The following KYNU variants were observed in gnomAD, a reference collection of about 807,000 sequenced individuals.
KYNU encodes L-kynurenine hydrolase.
In KYNU, 54 loss-of-function variants were observed where a neutral mutation model predicts 59.2. That is an observed-to-expected ratio of 0.91 (90% confidence interval 0.73 to 1.14). KYNU has a LOEUF of 1.14. Ranked by LOEUF, KYNU falls within the 50% of genes most tolerant of loss-of-function variation. The probability of loss-of-function intolerance (pLI) is 0.00; values close to 1 mark genes in which losing one functional copy is unlikely to be tolerated. For synonymous variants in KYNU, 177 were observed against 192.0 expected (o/e 0.92, Z 0.65); for missense variants, 567 against 554.4 (o/e 1.02, Z -0.23).
intron 2 of KYNU, among the ~76,000 whole-genome samples, chr2:142,913,641 T>C (rs921328254): frequency 3.1e-4 from 47 of 152,230 alleles, no homozygotes; most frequent in Admixed American, 2.9e-3. Context: ...GTATGTTCTG[T>C]TCACAGACGA....
intron 11 of KYNU, among the ~76,000 whole-genome samples, chr2:143,031,673 C>T (rs554096015): frequency 6.6e-6 from 1 of 152,128 alleles, no homozygotes; most frequent in East Asian, 1.9e-4. Flanking sequence ...TGCAGTGAGC[C>T]ATGATTGAGC....
At chr2:142,930,982 A>T (rs1196346282) in intron 4 of KYNU, among the ~76,000 whole-genome samples, 2 of 152,104 alleles carry the variant, frequency 1.3e-5, no homozygotes, top group Admixed American at 6.5e-5. Flanking sequence ...GACAAGACAA[A>T]GGTTTTATAG....
At position 143,049,590 on chromosome 2, in the gene KYNU, C is replaced by A. The variant is rs1025451867; in HGVS notation, c.*7418C>A. The A allele has an allele frequency of 6.6e-6, 1 of 152,236 alleles. No individual in the cohort carries two copies. Among genetic ancestry groups the A allele is most frequent in the South Asian group, 2.1e-4 (1 of 4,832 alleles). The allele number at this position is 152,236 out of a possible 1,614,324, so 9.4% of individuals were successfully genotyped here. ...TCCTGAGACCATCCCTTGCCCAGCTCTTTTGGTGATCCCCTTCACTTCCTC... is the reference window on the plus strand; with the variant it reads ...TCCTGAGACCATCCCTTGCCCAGCTATTTTGGTGATCCCCTTCACTTCCTC... On this transcript the variant is annotated 3_prime_UTR_variant, in exon 14 of 14. Transcript: ENST00000264170.
chr2:142,915,998 A>C lies in KYNU; in HGVS notation c.170-2611A>C, dbSNP rs77563781. On this transcript the variant is annotated intron_variant, in intron 2 of 13. Coordinates refer to ENST00000264170, the MANE Select transcript of KYNU (RefSeq NM_003937.3). ...ATACTGGGAGAAGGCCAAACACACA[A>C]GAGATGGCCATCTGTAAGCCAAGCA... Among the ~76,000 whole-genome samples the C allele has an allele frequency of 8.4e-3, 1,280 of 152,232 alleles. 16 individuals carry two copies. The highest frequency in any genetic ancestry group is 0.028 in the African/African-American group (1,159 of 41,528).
At chr2:142,911,159 G>A (rs182701266) in intron 2 of KYNU, among the ~76,000 whole-genome samples, 208 of 152,272 alleles carry the variant, frequency 1.4e-3, no homozygotes, top group African/African-American at 4.7e-3. Context: ...TGAGCAATAT[G>A]GTGGTTTTCA....
At chr2:142,926,489 A>C (rs1293186700) in intron 3 of KYNU, among the ~76,000 whole-genome samples, 3 of 152,236 alleles carry the variant, frequency 2.0e-5, no homozygotes, top group Non-Finnish European at 4.4e-5. Flanking sequence ...TAAGGAGGAC[A>C]CTGGGAGTTT....
intron 3 of KYNU, among the ~76,000 whole-genome samples, chr2:142,927,073 T>G (rs1013706084): frequency 6.6e-6 from 1 of 152,246 alleles, no homozygotes; most frequent in African/African-American, 2.4e-5. Context: ...CCTCCTGGGA[T>G]ACTTACTAGA....
intron 8 of KYNU, among the ~76,000 whole-genome samples, chr2:142,980,432 A>C (rs551873420): frequency 6.6e-6 from 1 of 152,188 alleles, no homozygotes; most frequent in South Asian, 2.1e-4. Context: ...CTAGGAATGC[A>C]GCCCAGCAGG....
At chr2:143,020,631 T>C (rs950539552) in intron 10 of KYNU, among the ~76,000 whole-genome samples, 7 of 152,226 alleles carry the variant, frequency 4.6e-5, no homozygotes, top group Non-Finnish European at 1.0e-4. Flanking sequence ...TCTGTAAGTG[T>C]CTGTTAGGTC....
chr2:143,010,573 T>G (rs1217786224), intron 10 of KYNU, among the ~76,000 whole-genome samples: 38 of 137,910 alleles, frequency 2.8e-4, no homozygotes, highest in African/African-American at 1.0e-3. Flanking sequence ...TTAAAGTTCA[T>G]ATGGAACCAA....
At chr2:142,930,757 A>C (rs1184326250) in intron 4 of KYNU, among the ~76,000 whole-genome samples, 1 of 152,212 alleles carries the variant, frequency 6.6e-6, no homozygotes, top group East Asian at 1.9e-4. Flanking sequence ...CCTATCCCCA[A>C]ATACACTCAC....
At chr2:143,038,897 C>T (rs930659531) in intron 12 of KYNU, among the ~76,000 whole-genome samples, 2 of 152,116 alleles carry the variant, frequency 1.3e-5, no homozygotes, top group East Asian at 3.9e-4. Flanking sequence ...TATCTTTGCT[C>T]ATGACACAGA....
chr2:142,988,791 C>G, intron 10 of KYNU: 1 of 1,252,424 alleles, frequency 8.0e-7, no homozygotes, highest in Non-Finnish European at 1.2e-6. Context: ...CAACTTCTAG[C>G]CTTGGCTCTC....
intron 4 of KYNU, among the ~76,000 whole-genome samples, chr2:142,950,487 T>C (rs1057360608): frequency 2.6e-5 from 4 of 152,184 alleles, no homozygotes; most frequent in Non-Finnish European, 5.9e-5. Context: ...CTTACATGGA[T>C]GGCAGGAGGC....
At chr2:142,960,534 A>T in intron 7 of KYNU, 90 bp from the exon 8 acceptor site, 1 of 1,253,142 alleles carries the variant, frequency 8.0e-7, no homozygotes, top group Non-Finnish European at 1.1e-6. Context: ...TTATAATGCA[A>T]AAGGGCTCAC....
chr2:142,929,359 C>CAAAAAA (rs5834929), intron 4 of KYNU, among the ~76,000 whole-genome samples: 2 of 106,448 alleles, frequency 1.9e-5, no homozygotes, highest in Admixed American at 9.5e-5. Context: ...TTGCCTTTCT[C>CAAAAAA]AAAAAAAAAA....
chr2:142,923,249 T>C (rs1682942310), intron 3 of KYNU, among the ~76,000 whole-genome samples: 2 of 152,254 alleles, frequency 1.3e-5, no homozygotes, highest in Admixed American at 1.3e-4. Context: ...TAGAATCTTT[T>C]ACCTCTGTGT....
intron 1 of KYNU, chr2:142,881,384 T>G (rs1158876874): frequency 1.3e-5 from 2 of 152,122 alleles, no homozygotes; most frequent in Non-Finnish European, 2.9e-5. Flanking sequence ...CCATCGACAG[T>G]TGAGAAAAGA....
chr2:142,935,006 G>A (rs1401986059), intron 4 of KYNU, among the ~76,000 whole-genome samples: 1 of 152,232 alleles, frequency 6.6e-6, no homozygotes, highest in Admixed American at 6.5e-5. Flanking sequence ...GGGCCTGGTG[G>A]AGGTAAGCAT....
Sources: allele counts gnomAD v4.1 joint callset (sites outside exome capture counted in the v4.1 genomes callset), GRCh38; gene constraint gnomAD v4.1.1; transcripts MANE v1.5; gene names NCBI Gene and HGNC (gene_info 2026-07-23, HGNC 2026-07-21).